EPHA3: variants seen among roughly 807,000 people sequenced by gnomAD.
EPHA3 encodes the protein ephrin type-A receptor 3.
Under a neutral mutation model 107.1 loss-of-function variants are expected in EPHA3, and 42 were observed. The observed-to-expected ratio is 0.39, with a 90% CI of 0.31 to 0.51. The LOEUF (loss-of-function observed/expected upper bound fraction) is 0.51, where lower values mean the gene tolerates loss of function less well. Ranked by LOEUF, EPHA3 falls within the 20% of genes least tolerant of loss-of-function variation. The pLI is 0.78. For synonymous variants in EPHA3, 461 were observed against 424.8 expected, an observed-to-expected ratio of 1.09 and a Z score of -1.05; for missense variants, 1,183 against 1,211.2, an observed-to-expected ratio of 0.98 and a Z score of 0.35.
intron 3 of EPHA3, among the ~76,000 whole-genome samples, chr3:89,323,722 C>T (rs1707097049): frequency 6.6e-6 from 1 of 152,050 alleles, no homozygotes; most frequent in South Asian, 2.1e-4. Context: ...CAATGAATCG[C>T]TCAACTCAGT....
chr3:89,310,723 G>A (rs1488700175), intron 3 of EPHA3, among the ~76,000 whole-genome samples: 1 of 151,772 alleles, frequency 6.6e-6, no homozygotes, highest in Admixed American at 6.6e-5. Flanking sequence ...ACTCCTAAAG[G>A]TCAATAAACA....
At chr3:89,414,982 G>T (rs1709218971) in intron 10 of EPHA3, among the ~76,000 whole-genome samples, 1 of 151,408 alleles carries the variant, frequency 6.6e-6, no homozygotes, top group African/African-American at 2.4e-5. Context: ...ATTCACATTT[G>T]CCATGTTAAG....
chr3:89,110,314 G>T (rs1225878149), intron 1 of EPHA3, among the ~76,000 whole-genome samples: 3 of 151,878 alleles, frequency 2.0e-5, no homozygotes. Flanking sequence ...ACAAAACCAG[G>T]CCATTGACTT....
chr3:89,392,501 G>T (rs1305918920), intron 5 of EPHA3, among the ~76,000 whole-genome samples: 1 of 150,876 alleles, frequency 6.6e-6, no homozygotes, highest in Non-Finnish European at 1.5e-5. Flanking sequence ...ATCTATACCA[G>T]CATTTTTGCC....
Position 89,219,712 on chromosome 3 carries a change from T to G in EPHA3, c.814+9192T>G, listed in dbSNP as rs1704318420. ...TGTTTTTTTTTTTTTTGTTTTTTGT[T>G]TTTTTTTTTTTTTTGAGACGGAGTC... On this transcript the variant is annotated intron_variant, in intron 3 of 16. Coordinates refer to ENST00000336596, the MANE Select transcript of EPHA3 (RefSeq NM_005233.6). Among the ~76,000 whole-genome samples, 2 of 35,546 alleles carry G rather than the reference T, an allele frequency of 5.6e-5. 1 individual carries two copies. Among genetic ancestry groups the G allele is most frequent in the Non-Finnish European group, 1.5e-4 (2 of 13,684 alleles). 23.3% of individuals were successfully genotyped at this position (35,546 alleles called of 152,430 possible).
At chr3:89,365,440 A>G (rs534488223) in intron 5 of EPHA3, among the ~76,000 whole-genome samples, 1 of 150,720 alleles carries the variant, frequency 6.6e-6, no homozygotes, top group Admixed American at 6.7e-5. Flanking sequence ...TACAAAACAT[A>G]ATGCAAATAA....
chr3:89,208,726 G>T (rs1296899500), intron 2 of EPHA3, among the ~76,000 whole-genome samples: 5 of 152,094 alleles, frequency 3.3e-5, no homozygotes, highest in African/African-American at 1.2e-4. Context: ...AATATAATAT[G>T]TGGAAATATT....
At chr3:89,360,324 C>T (rs543326429) in intron 5 of EPHA3, among the ~76,000 whole-genome samples, 2 of 150,876 alleles carry the variant, frequency 1.3e-5, no homozygotes, top group South Asian at 2.1e-4. Flanking sequence ...ATTGCTTGTC[C>T]ACATAACACC....
At chr3:89,185,436 A>G (rs1576212844) in intron 2 of EPHA3, among the ~76,000 whole-genome samples, 1 of 152,066 alleles carries the variant, frequency 6.6e-6, no homozygotes, top group African/African-American at 2.4e-5. Context: ...TTAGTAGTTG[A>G]GAGAATAGAT....
intron 1 of EPHA3, among the ~76,000 whole-genome samples, chr3:89,123,339 C>T (rs1576165134): frequency 6.6e-6 from 1 of 152,096 alleles, no homozygotes; most frequent in Admixed American, 6.5e-5. Flanking sequence ...GATGAGTTTT[C>T]GCCATGTTGG....
In EPHA3 at chr3:89,397,719, G is replaced by C. The variant is rs538397497; in HGVS notation, c.1432-1599G>C. On this transcript the variant is annotated intron_variant, in intron 6 of 16. Transcript: ENST00000336596. ...CTGCCTCAGCCTCCCAAGTAGCTGG[G>C]ATGATAGGCATGCGCCACCATGCCC... Among the ~76,000 whole-genome samples the C allele has an allele frequency of 1.2e-3, 184 of 152,250 alleles. 1 individual carries two copies. Among genetic ancestry groups the C allele is most frequent in the African/African-American group, 4.3e-3 (179 of 41,562 alleles).
intron 3 of EPHA3, among the ~76,000 whole-genome samples, chr3:89,243,479 T>C (rs1381405790): frequency 6.6e-6 from 1 of 152,210 alleles, no homozygotes; most frequent in African/African-American, 2.4e-5. Flanking sequence ...TCATTGTGGT[T>C]TTGATTTGCA....
rs771735631 is a variant in EPHA3 at position 89,107,718 on chromosome 3, T to A, written c.-31T>A. ...ATCAGTGGCATGCTTCATGGAGATA[T>A]GCTCCTCTCACTGCCCTCTGCACCA... On this transcript the variant is annotated 5_prime_UTR_variant, in exon 1 of 17. It removes an upstream start codon present in the reference 5' UTR. Transcript: ENST00000336596. 2.5e-6 allele frequency: 4 copies of A among 1,592,828 alleles called. No homozygotes were observed. In the East Asian group the frequency reaches 8.9e-5, roughly 36 times the overall value.
intron 5 of EPHA3, among the ~76,000 whole-genome samples, chr3:89,381,486 A>C (rs1367510375): frequency 6.6e-6 from 1 of 151,708 alleles, no homozygotes; most frequent in Non-Finnish European, 1.5e-5. Flanking sequence ...CCTGGCCAAT[A>C]TGGCGAAACC....
chr3:89,194,221 G>A (rs191631960), intron 2 of EPHA3, among the ~76,000 whole-genome samples: 1 of 151,900 alleles, frequency 6.6e-6, no homozygotes, highest in South Asian at 2.1e-4. Flanking sequence ...CTAACAAAAC[G>A]ATATTTTAAT....
At chr3:89,312,211 G>A (rs1308854270) in intron 3 of EPHA3, among the ~76,000 whole-genome samples, 1 of 151,874 alleles carries the variant, frequency 6.6e-6, no homozygotes, top group East Asian at 1.9e-4. Context: ...AAACAATATT[G>A]CTGAAGGACT....
chr3:89,358,785 A>G (rs1576334520), intron 5 of EPHA3, among the ~76,000 whole-genome samples: 1 of 151,296 alleles, frequency 6.6e-6, no homozygotes, highest in Non-Finnish European at 1.5e-5. Context: ...AAAAACTCGC[A>G]TGCTGTCCCA....
At chr3:89,288,416 C>A (rs1236956358) in intron 3 of EPHA3, among the ~76,000 whole-genome samples, 5 of 152,074 alleles carry the variant, frequency 3.3e-5, no homozygotes, top group Admixed American at 3.3e-4. Flanking sequence ...ATAGACTTCA[C>A]CTCAAATCTT....
intron 1 of EPHA3, among the ~76,000 whole-genome samples, chr3:89,110,534 G>A (rs910212952): frequency 1.5e-4 from 23 of 151,824 alleles, no homozygotes; most frequent in African/African-American, 4.8e-5. Flanking sequence ...ACTCATCAAC[G>A]ATAACAGATA....
Sources: gnomAD v4.1 joint callset for allele counts (sites outside exome capture counted in the v4.1 genomes callset) on GRCh38, gnomAD v4.1.1 for gene constraint, MANE v1.5 for transcripts, NCBI Gene and HGNC (gene_info 2026-07-23, HGNC 2026-07-21) for gene names.